The following DLC1 variants were observed in gnomAD, a reference collection of about 807,000 sequenced individuals.
DLC1 encodes the protein rho GTPase-activating protein 7.
DLC1 carries 54 observed loss-of-function variants against 140.3 expected under a neutral mutation model. That is an observed-to-expected ratio of 0.38 (90% CI 0.31 to 0.48). DLC1 has a LOEUF of 0.48. Ranked by LOEUF, DLC1 falls within the 20% of genes least tolerant of loss-of-function variation. DLC1 has a pLI of 0.96. For missense variants in DLC1, 2,536 were observed against 1,907.0 expected, an observed-to-expected ratio of 1.33 and a Z score of -6.14; for synonymous variants, 986 against 728.1, an observed-to-expected ratio of 1.35 and a Z score of -5.70.
chr8:13,160,908 C>T (rs573830245), intron 5 of DLC1, among the ~76,000 whole-genome samples: 7 of 152,150 alleles, frequency 4.6e-5, no homozygotes, highest in South Asian at 2.1e-4. Context: ...GGTGAAACCC[C>T]GTCTCTACTA....
At chr8:13,368,063 C>T (rs1835570492) in intron 4 of DLC1, among the ~76,000 whole-genome samples, 1 of 152,038 alleles carries the variant, frequency 6.6e-6, no homozygotes, top group Non-Finnish European at 1.5e-5. Context: ...CATCTTTGAC[C>T]CTGGCTTCAA....
chr8:13,504,819 C>A (rs1801981429), intron 1 of DLC1, among the ~76,000 whole-genome samples: 1 of 151,696 alleles, frequency 6.6e-6, no homozygotes, highest in Admixed American at 6.6e-5. Context: ...AGATAGCTAA[C>A]CCCAAATTAA....
intron 1 of DLC1, among the ~76,000 whole-genome samples, chr8:13,525,974 T>C (rs1802910650): frequency 6.6e-6 from 1 of 152,166 alleles, no homozygotes; most frequent in Admixed American, 6.5e-5. Flanking sequence ...CTAGGTTCTA[T>C]GACATATGTA....
rs539904523 is a variant in DLC1, at chr8:13,261,432, G to C, written c.1348+43837C>G. On this transcript the variant is annotated intron_variant, in intron 5 of 17. Coordinates refer to ENST00000276297, the MANE Select transcript of DLC1 (RefSeq NM_182643.3). ...GCAGAGACTTCTTGGCCATAGAAGG[G>C]ATTTTATTGTGTGAGGGAAAGATAT... Among the ~76,000 whole-genome samples the C allele has an allele frequency of 2.0e-5, 3 of 152,278 alleles. No individual in the cohort carries two copies. In the East Asian group the frequency reaches 5.8e-4, roughly 29 times the overall value.
At chr8:13,188,419 C>CAAAACAA (rs1826513379) in intron 5 of DLC1, among the ~76,000 whole-genome samples, 1 of 58,984 alleles carries the variant, frequency 1.7e-5, no homozygotes, top group Admixed American at 2.6e-4. Flanking sequence ...GACTCCGTCT[C>CAAAACAA]AAAAAAAAAA....
chr8:13,543,863 T>C (rs1318078751), intron 1 of DLC1, among the ~76,000 whole-genome samples: 1 of 151,952 alleles, frequency 6.6e-6, no homozygotes, highest in Non-Finnish European at 1.5e-5. Context: ...GAGTGGGAAG[T>C]GAGGGATGAA....
At chr8:13,374,843 CATTT>C (rs1177218389) in intron 4 of DLC1, among the ~76,000 whole-genome samples, 23 of 152,140 alleles carry the variant, frequency 1.5e-4, no homozygotes, top group Non-Finnish European at 2.6e-4. Context: ...AATGTTCATT[CATTT>C]GTTTGTGTTC....
At chr8:13,189,114 A>G (rs948286780) in intron 5 of DLC1, among the ~76,000 whole-genome samples, 6 of 151,994 alleles carry the variant, frequency 3.9e-5, no homozygotes, top group African/African-American at 1.2e-4. Context: ...TAAAAGACAT[A>G]GTTTTTCATG....
At chr8:13,181,544 A>C (rs1370245109) in intron 5 of DLC1, among the ~76,000 whole-genome samples, 1 of 138,962 alleles carries the variant, frequency 7.2e-6, no homozygotes, top group African/African-American at 2.7e-5. Context: ...TGTCTAAGTG[A>C]TCTCATTGTT....
chr8:13,106,000 G>A (rs1250669561), intron 7 of DLC1, among the ~76,000 whole-genome samples: 1 of 152,168 alleles, frequency 6.6e-6, no homozygotes, highest in African/African-American at 2.4e-5. Context: ...AGAAGCCTGG[G>A]CCTTTCCCAT....
At chr8:13,103,288 G>C (rs1819256756) in intron 7 of DLC1, among the ~76,000 whole-genome samples, 1 of 151,376 alleles carries the variant, frequency 6.6e-6, no homozygotes, top group Admixed American at 6.6e-5. Context: ...TCCAGCCTGG[G>C]CGACAGAGTG....
At chr8:13,551,868 A>G (rs574848719) in intron 1 of DLC1, among the ~76,000 whole-genome samples, 208 of 112,730 alleles carry the variant, frequency 1.8e-3, no homozygotes, top group Non-Finnish European at 2.6e-3. Flanking sequence ...AAGTGTGTGT[A>G]TATATATATA....
At chr8:13,383,628 T>C (rs1836372772) in intron 4 of DLC1, among the ~76,000 whole-genome samples, 1 of 152,138 alleles carries the variant, frequency 6.6e-6, no homozygotes, top group African/African-American at 2.4e-5. Context: ...TTAGACCTTT[T>C]CCAACATTGA....
At chr8:13,575,543 G>A (rs1163390255) in intron 1 of DLC1, among the ~76,000 whole-genome samples, 1 of 152,100 alleles carries the variant, frequency 6.6e-6, no homozygotes. Context: ...AGCTAGCACA[G>A]ATATGGGGCA....
intron 5 of DLC1, among the ~76,000 whole-genome samples, chr8:13,274,728 A>G (rs796958382): frequency 1.1e-4 from 17 of 152,362 alleles, no homozygotes; most frequent in African/African-American, 3.6e-4. Context: ...TCTCAGAAGC[A>G]TAAATGTTTG....
chr8:13,123,652 C>T (rs1264098174), intron 5 of DLC1, among the ~76,000 whole-genome samples: 1 of 152,060 alleles, frequency 6.6e-6, no homozygotes, highest in Non-Finnish European at 1.5e-5. Flanking sequence ...CACCTGGGCC[C>T]TCTCTCCCTC....
intron 5 of DLC1, among the ~76,000 whole-genome samples, chr8:13,182,967 C>T (rs1211785606): frequency 3.3e-5 from 5 of 152,118 alleles, no homozygotes; most frequent in African/African-American, 1.2e-4. Context: ...AATATTCTTC[C>T]ATTTGTTTGT....
intron 6 of DLC1, 29 bp downstream of exon 6, chr8:13,115,557 A>T: frequency 6.2e-7 from 1 of 1,602,886 alleles, no homozygotes; most frequent in East Asian, 2.2e-5. Flanking sequence ...GATTATGCCA[A>T]CTTTTAAAAA....
At chr8:13,597,618 AT>A (rs1426663298) in intron 1 of DLC1, among the ~76,000 whole-genome samples, 2 of 152,074 alleles carry the variant, frequency 1.3e-5, no homozygotes, top group Non-Finnish European at 2.9e-5. Flanking sequence ...TGTATATATC[AT>A]GGAGGATAAA....
Sources: allele counts gnomAD v4.1 joint callset (sites outside exome capture counted in the v4.1 genomes callset), GRCh38; gene constraint gnomAD v4.1.1; transcripts MANE v1.5; gene names NCBI Gene and HGNC (gene_info 2026-07-23, HGNC 2026-07-21).